The following GABRA4 variants were observed in gnomAD, a reference collection of about 807,000 sequenced individuals.
GABRA4 encodes gamma-aminobutyric acid type A receptor subunit alpha4.
In GABRA4, 12 loss-of-function variants were observed where a neutral mutation model predicts 49.7. The ratio of observed to expected loss-of-function variants is 0.24; its 90% CI spans 0.15 to 0.39. GABRA4 has a LOEUF of 0.39. Among genes scored for constraint, GABRA4 ranks in the 10% least tolerant of loss-of-function variants. The pLI, the probability that GABRA4 is intolerant of heterozygous loss-of-function variation, is 1.00. For missense variants in GABRA4, 506 were observed against 686.0 expected (o/e 0.74, Z 2.93); for synonymous variants, 288 against 240.2 (o/e 1.20, Z -1.84).
intron 8 of GABRA4, among the ~76,000 whole-genome samples, chr4:46,952,728 C>T (rs568227754): frequency 1.4e-3 from 209 of 152,044 alleles, no homozygotes; most frequent in Non-Finnish European, 2.1e-3. Flanking sequence ...GAAAATATAA[C>T]TAAATGTTGA....
At chr4:46,966,919 G>A (rs1722782395) in intron 7 of GABRA4, among the ~76,000 whole-genome samples, 1 of 151,644 alleles carries the variant, frequency 6.6e-6, no homozygotes, top group Non-Finnish European at 1.5e-5. Context: ...CTATGAAAAT[G>A]CTATATTGTG....
At chr4:46,930,542 A>G (rs6815456) in intron 8 of GABRA4, among the ~76,000 whole-genome samples, 15,768 of 152,050 alleles carry the variant, frequency 0.1, 966 homozygotes, top group South Asian at 0.23. Context: ...GGTAAAATAT[A>G]TTCAAGAACC....
At chr4:46,993,180 T>C (rs1246784520) in intron 1 of GABRA4, among the ~76,000 whole-genome samples, 159 bp downstream of exon 1, 1 of 152,138 alleles carries the variant, frequency 6.6e-6, no homozygotes, top group Non-Finnish European at 1.5e-5. Flanking sequence ...GCTCTCCGCA[T>C]CTATGCGGTC....
chr4:46,976,135 C>T (rs1723131650), intron 5 of GABRA4, among the ~76,000 whole-genome samples: 1 of 151,758 alleles, frequency 6.6e-6, no homozygotes, highest in South Asian at 2.1e-4. Context: ...GCTGCCATCT[C>T]AGAGAAGGGA....
chr4:46,928,074 A>G lies in GABRA4; in HGVS notation c.*151T>C. ...AGTTCACTTTTTCACTCAGGAATTA[A>G]TTAACTCTCCCAATAACTGGCTTAT... On this transcript the variant is annotated 3_prime_UTR_variant, in exon 9 of 9. Coordinates refer to ENST00000264318, the MANE Select transcript of GABRA4 (RefSeq NM_000809.4). 3.1e-6 allele frequency: 2 copies of G among 651,150 alleles called. No individual in the cohort carries two copies. The highest frequency in any genetic ancestry group is 6.8e-5 in the Admixed American group (2 of 29,214). 40.3% of individuals were successfully genotyped at this position (651,150 alleles called of 1,614,324 possible). A position where few individuals can be genotyped will look rare whatever the true frequency, so the allele number is the denominator to read the frequency against.
chr4:46,966,007 G>A (rs1040229394), intron 7 of GABRA4, among the ~76,000 whole-genome samples: 10 of 148,052 alleles, frequency 6.8e-5, no homozygotes, highest in East Asian at 1.9e-4. Context: ...GGCTTCTGAA[G>A]CACCACATCC....
At chr4:46,949,743 A>C (rs902168122) in intron 8 of GABRA4, among the ~76,000 whole-genome samples, 2 of 152,166 alleles carry the variant, frequency 1.3e-5, no homozygotes, top group African/African-American at 4.8e-5. Flanking sequence ...ATGTGCAAAA[A>C]TGAATGATTT....
At chr4:46,944,641 A>C (rs1270045890) in intron 8 of GABRA4, among the ~76,000 whole-genome samples, 1 of 151,972 alleles carries the variant, frequency 6.6e-6, no homozygotes, top group Admixed American at 6.6e-5. Context: ...TTCTCTTCTC[A>C]CTGTCTTCTC....
At chr4:46,943,458 T>C (rs1391525696) in intron 8 of GABRA4, among the ~76,000 whole-genome samples, 3 of 152,200 alleles carry the variant, frequency 2.0e-5, no homozygotes, top group African/African-American at 7.2e-5. Context: ...TTTATCTCTC[T>C]ACTCTTCATT....
chr4:46,950,147 G>C (rs1722119673), intron 8 of GABRA4, among the ~76,000 whole-genome samples: 1 of 152,114 alleles, frequency 6.6e-6, no homozygotes, highest in Non-Finnish European at 1.5e-5. Flanking sequence ...AGCAGTGATG[G>C]TGAGCTAAGC....
At position 46,986,112 on chromosome 4, in the gene GABRA4, A is replaced by T. The variant is rs1723526396; in HGVS notation, c.205+6716T>A. 3.9e-5 allele frequency among the ~76,000 whole-genome samples: 6 copies of T among 152,154 alleles called. No homozygotes were observed. The South Asian group carries it at 1.2e-3, about 32-fold the overall frequency. ...AACTTGTTTTTCATGCCTAGGGTCCACTTCCTTTTGTCAGTACCATGAGTT... is the reference window on the plus strand; with the variant it reads ...AACTTGTTTTTCATGCCTAGGGTCCTCTTCCTTTTGTCAGTACCATGAGTT... On this transcript the variant is annotated intron_variant, in intron 2 of 8. Transcript: ENST00000264318.
intron 2 of GABRA4, among the ~76,000 whole-genome samples, chr4:46,991,143 G>T (rs560628942): frequency 1.3e-5 from 2 of 152,012 alleles, no homozygotes; most frequent in African/African-American, 4.8e-5. Flanking sequence ...CCGAGATCAC[G>T]CCATTGCACT....
intron 8 of GABRA4, among the ~76,000 whole-genome samples, chr4:46,931,315 A>G (rs756031214): frequency 2.6e-5 from 4 of 152,132 alleles, no homozygotes; most frequent in Non-Finnish European, 5.9e-5. Context: ...TATAGTATAA[A>G]TAGCCTCAAA....
rs533121084 is a variant in GABRA4 at position 46,952,888 on chromosome 4, AACAAAATTTC to A, written c.1134+12072_1134+12081del. 3.6e-3 allele frequency among the ~76,000 whole-genome samples: 555 copies of A among 152,276 alleles called. 3 individuals are homozygous for A. The highest frequency in any genetic ancestry group is 0.012 in the African/African-American group (510 of 41,578). On this transcript the variant is annotated intron_variant, in intron 8 of 8. Coordinates refer to ENST00000264318, the MANE Select transcript of GABRA4 (RefSeq NM_000809.4). ...AAGTACCAGAAAAAAACCTTTTAAT[AACAAAATTTC>A]ACCAATGGAAATGTGTAGTTTTTTC...
At chr4:46,974,401 A>C (rs1438809844) in intron 5 of GABRA4, 26 bp from the exon 6 acceptor site, 5 of 1,595,718 alleles carry the variant, frequency 3.1e-6, no homozygotes, top group Non-Finnish European at 4.3e-6. Context: ...GAATGTGGTT[A>C]GAGTCAATGC....
intron 6 of GABRA4, among the ~76,000 whole-genome samples, chr4:46,971,783 T>C (rs1021624245): frequency 1.3e-5 from 2 of 151,074 alleles, no homozygotes; most frequent in African/African-American, 4.8e-5. Flanking sequence ...GAGGCTACCA[T>C]AGTTTTAGGA....
At chr4:46,937,143 A>C (rs1379157066) in intron 8 of GABRA4, among the ~76,000 whole-genome samples, 3 of 152,132 alleles carry the variant, frequency 2.0e-5, no homozygotes, top group Non-Finnish European at 4.4e-5. Flanking sequence ...AAGAAAAAGA[A>C]ATACCAGGTT....
chr4:46,951,625 C>A (rs1722174764), intron 8 of GABRA4, among the ~76,000 whole-genome samples: 1 of 151,814 alleles, frequency 6.6e-6, no homozygotes, highest in Non-Finnish European at 1.5e-5. Context: ...GGGACCTAGA[C>A]AAAGAGAAAG....
chr4:46,952,492 C>T (rs1318124554), intron 8 of GABRA4, among the ~76,000 whole-genome samples: 1 of 151,998 alleles, frequency 6.6e-6, no homozygotes, highest in Non-Finnish European at 1.5e-5. Context: ...TACATAATAT[C>T]CTCTAATTCA....
Sources: gnomAD v4.1 joint callset for allele counts (sites outside exome capture counted in the v4.1 genomes callset) on GRCh38, gnomAD v4.1.1 for gene constraint, MANE v1.5 for transcripts, NCBI Gene and HGNC (gene_info 2026-07-23, HGNC 2026-07-21) for gene names.